The following SF3B1 variants were observed in gnomAD, a reference collection of about 807,000 sequenced individuals.
SF3B1 encodes the protein splicing factor 3b subunit 1.
In SF3B1, 12 loss-of-function variants were observed where a neutral mutation model predicts 153.8. The observed-to-expected ratio is 0.08, with a 90% CI of 0.05 to 0.13. The LOEUF is 0.13. Ranked by LOEUF, SF3B1 falls within the 10% of genes least tolerant of loss-of-function variation. The probability of loss-of-function intolerance (pLI) is 1.00; values close to 1 mark genes in which losing one functional copy is unlikely to be tolerated. For synonymous variants in SF3B1, 498 were observed against 525.2 expected (o/e 0.95, Z 0.71); for missense variants, 513 against 1,606.1 (o/e 0.32, Z 11.63).
intron 24 of SF3B1, 122 bp from the exon 25 acceptor site, chr2:197,392,583 A>C (rs1342232273): frequency 8.7e-6 from 3 of 343,694 alleles, no homozygotes; most frequent in South Asian, 2.7e-5. Flanking sequence ...GGGGGGGGGA[A>C]CCTACTAATT....
chr2:197,401,273 T>C lies in SF3B1; in HGVS notation c.2496+127A>G. The C allele has an allele frequency of 1.1e-6, 1 of 873,514 alleles. No homozygotes were observed. The highest frequency in any genetic ancestry group is 1.8e-6 in the Non-Finnish European group (1 of 562,018). The allele number at this position is 873,514 out of a possible 1,614,324, so 54.1% of individuals were successfully genotyped here. On this transcript the variant is annotated intron_variant, in intron 17 of 24. Transcript: ENST00000335508. This position sits in a 1 kb window ranked among gnomAD's most constrained non-coding sequence, Gnocchi z 4.2. ...ACTGGCTGACTAAAATCCATCTCCT[T>C]TCATAATCAAGCACATATAAACTGT...
At chr2:197,415,235 CA>C (rs921214082) in intron 6 of SF3B1, among the ~76,000 whole-genome samples, 2 of 150,400 alleles carry the variant, frequency 1.3e-5, no homozygotes, top group Non-Finnish European at 3.0e-5. Flanking sequence ...GGTGCATAAG[CA>C]AAAGAGTAGC....
intron 1 of SF3B1, among the ~76,000 whole-genome samples, chr2:197,424,935 G>A (rs1055479094): frequency 1.2e-4 from 18 of 151,144 alleles, no homozygotes; most frequent in Admixed American, 3.3e-4. Flanking sequence ...CAAGGCGGGC[G>A]GATCACCTGA....
In SF3B1 at chr2:197,396,386, G is replaced by GA. The variant is rs1359035274; in HGVS notation, c.3267-59dup. 16 of 1,406,566 alleles carry GA rather than the reference G, an allele frequency of 1.1e-5. No individual in the cohort carries two copies. In the East Asian group the frequency reaches 3.5e-4, roughly 31 times the overall value. 87.1% of individuals were successfully genotyped at this position (1,406,566 alleles called of 1,614,324 possible). On this transcript the variant is annotated intron_variant, in intron 22 of 24. Transcript: ENST00000335508. ...CATTATAAGTCAAAAATTTATGGAA[G>GA]AAAAAAATGCATAAAGATGAAAACT...
chr2:197,390,006 CAAAAG>C lies in SF3B1; in HGVS notation c.*2292_*2296del, dbSNP rs1481509818. ...CTTTAAGAAACACCAAAAGAAAATACAAAAGAAAAGGTCTTTGAGAAGATAGGTAA... is the reference window on the plus strand; with the variant it reads ...CTTTAAGAAACACCAAAAGAAAATACAAAAGGTCTTTGAGAAGATAGGTAA... On this transcript the variant is annotated 3_prime_UTR_variant, in exon 25 of 25. Transcript: ENST00000335508. 5 of 152,250 alleles carry C rather than the reference CAAAAG, an allele frequency of 3.3e-5. No individual in the cohort carries two copies. The highest frequency in any genetic ancestry group is 6.8e-3 in the Middle Eastern group (2 of 294). 9.4% of individuals were successfully genotyped at this position (152,250 alleles called of 1,614,324 possible).
intron 22 of SF3B1, among the ~76,000 whole-genome samples, chr2:197,397,535 C>A (rs1426369198): frequency 6.6e-6 from 1 of 152,222 alleles, no homozygotes; most frequent in Non-Finnish European, 1.5e-5. Flanking sequence ...GTGGCTCACG[C>A]CTGTAATCTC....
rs770895612 is a variant in SF3B1 at position 197,435,027 on chromosome 2, C to T, written c.-28G>A. 6.8e-6 allele frequency: 11 copies of T among 1,614,144 alleles called. No homozygotes were observed. In the African/African-American group the frequency reaches 1.2e-4, roughly 18 times the overall value. On this transcript the variant is annotated 5_prime_UTR_variant, in exon 1 of 25. Transcript: ENST00000335508. Reference sequence around the variant, plus strand: ...TGTCCACTCGAACACACAGACGGAACTGGCGCTCCCAAGAACTTCCGCTCG... The same window carrying T: ...TGTCCACTCGAACACACAGACGGAATTGGCGCTCCCAAGAACTTCCGCTCG...
chr2:197,411,526 G>A (rs2085067596), intron 6 of SF3B1, among the ~76,000 whole-genome samples: 1 of 151,936 alleles, frequency 6.6e-6, no homozygotes, highest in South Asian at 2.1e-4. Flanking sequence ...AAAAAAATCA[G>A]CCAGGCGTTG....
At position 197,403,577 on chromosome 2, in the gene SF3B1, G is replaced by A. The variant is rs756034442; in HGVS notation, c.1719+8C>T. The stretch of plus-strand genomic sequence containing the variant: ...AAACTATCAGAAACACTATTAAGGA[G>A]AACAAACCTTATGCACATATGGACG... On this transcript the variant is annotated splice_region_variant and intron_variant, in intron 12 of 24. Coordinates refer to ENST00000335508, the MANE Select transcript of SF3B1 (RefSeq NM_012433.4). 12 of 1,532,526 alleles carry A rather than the reference G, an allele frequency of 7.8e-6. No homozygotes were observed. The East Asian group carries it at 2.4e-4, about 31-fold the overall frequency. 94.9% of individuals were successfully genotyped at this position (1,532,526 alleles called of 1,614,324 possible).
At chr2:197,434,936 A>G (rs771145634) in intron 1 of SF3B1, 36 bp downstream of exon 1, 4 of 1,604,286 alleles carry the variant, frequency 2.5e-6, no homozygotes, top group Non-Finnish European at 3.4e-6. Context: ...TAGGCTAGCA[A>G]CGAAGAAAAC....
At chr2:197,410,298 G>C (rs572316154) in intron 6 of SF3B1, among the ~76,000 whole-genome samples, 5 of 152,112 alleles carry the variant, frequency 3.3e-5, no homozygotes, top group African/African-American at 1.2e-4. Flanking sequence ...CTCTGTGACT[G>C]GGGGAAATCA....
rs2084959195 is a variant in SF3B1 at position 197,403,756 on chromosome 2, C to T, written c.1548G>A (p.Leu516=). 6.3e-7 allele frequency: 1 copy of T among 1,586,644 alleles called. No homozygotes were observed. The change falls in exon 12 of 25, where the codon TTG becomes TTA. Residue 516 remains leucine, a synonymous_variant. Transcript: ENST00000335508. ...NGTPPMRKAA[L]RQITDKAREF... is the part of the protein sequence containing the mutation. ...CACGAGCTTTATCAGTAATCTGACG[C>T]AATGCAGCCTGGGAAAAAGAGCAGA... is the stretch of plus-strand genomic sequence containing the variant.
At chr2:197,425,713 A>G (rs1402293407) in intron 1 of SF3B1, among the ~76,000 whole-genome samples, 2 of 151,932 alleles carry the variant, frequency 1.3e-5, no homozygotes, top group Non-Finnish European at 2.9e-5. Flanking sequence ...CGTCTCACAA[A>G]CTGGAGGCAG....
At chr2:197,408,289 T>A in intron 8 of SF3B1, 80 bp downstream of exon 8, 4 of 1,396,180 alleles carry the variant, frequency 2.9e-6, no homozygotes, top group Non-Finnish European at 4.0e-6. Flanking sequence ...TTGACATTAA[T>A]AGTACACAGA....
At chr2:197,412,656 G>C (rs112745179) in intron 6 of SF3B1, among the ~76,000 whole-genome samples, 6 of 150,880 alleles carry the variant, frequency 4.0e-5, no homozygotes, top group Non-Finnish European at 7.4e-5. Flanking sequence ...GCGTCTGGCC[G>C]AGTCTCTGTA....
chr2:197,399,125 C>T (rs1574526503), intron 20 of SF3B1: 1 of 1,251,284 alleles, frequency 8.0e-7, no homozygotes, highest in Non-Finnish European at 1.0e-6. Context: ...CATTGCTCTT[C>T]CCATGCCTCT....
At chr2:197,430,440 T>C (rs957977361) in intron 1 of SF3B1, among the ~76,000 whole-genome samples, 7 of 152,088 alleles carry the variant, frequency 4.6e-5, no homozygotes, top group Non-Finnish European at 1.0e-4. Context: ...TTCATTTTAC[T>C]ACTCACGGTA....
intron 5 of SF3B1, 137 bp from the exon 6 acceptor site, chr2:197,417,048 C>A (rs890382030): frequency 2.9e-5 from 24 of 833,722 alleles, no homozygotes; most frequent in Non-Finnish European, 4.2e-5. Flanking sequence ...CTCCTTTCTA[C>A]GCTCGCTGGT....
At chr2:197,411,762 C>A in intron 6 of SF3B1, among the ~76,000 whole-genome samples, 1 of 151,784 alleles carries the variant, frequency 6.6e-6, no homozygotes. Context: ...TTGCATGGTA[C>A]CATTAAACAA....
Sources: allele counts gnomAD v4.1 joint callset (sites outside exome capture counted in the v4.1 genomes callset), GRCh38; gene constraint gnomAD v4.1.1; non-coding constraint Gnocchi (gnomAD v3.1); transcripts MANE v1.5; gene names NCBI Gene and HGNC (gene_info 2026-07-23, HGNC 2026-07-21).